Variants in RSU1 observed in about 807,000 individuals in gnomAD.
RSU1 encodes the protein rsu-1.
In RSU1, 26 loss-of-function variants were observed where a neutral mutation model predicts 31.1. That is an observed-to-expected ratio of 0.84 (90% confidence interval 0.61 to 1.16). RSU1 has a LOEUF of 1.16. Among genes scored for constraint, RSU1 ranks in the 50% most tolerant of loss-of-function variants. The probability of loss-of-function intolerance (pLI) is 0.00; values close to 1 mark genes in which losing one functional copy is unlikely to be tolerated. For missense variants in RSU1, 320 were observed against 339.1 expected (o/e 0.94, Z 0.44); for synonymous variants, 164 against 136.3 (o/e 1.20, Z -1.41).
chr10:16,680,658 G>A (rs1835313898), intron 8 of RSU1, among the ~76,000 whole-genome samples: 1 of 152,106 alleles, frequency 6.6e-6, no homozygotes, highest in African/African-American at 2.4e-5. Context: ...TAAACAACCA[G>A]ATCTTGTGTG....
chr10:16,775,165 G>A (rs944104821), intron 3 of RSU1, among the ~76,000 whole-genome samples: 3 of 152,210 alleles, frequency 2.0e-5, no homozygotes, highest in Non-Finnish European at 2.9e-5. Flanking sequence ...CACACATCAA[G>A]TGATATAGGA....
chr10:16,710,404 G>C (rs1835992432), intron 7 of RSU1, among the ~76,000 whole-genome samples: 1 of 152,128 alleles, frequency 6.6e-6, no homozygotes. Context: ...GATTCAGTTT[G>C]TTAATATCTT....
At chr10:16,738,027 T>C (rs1025964730) in intron 7 of RSU1, among the ~76,000 whole-genome samples, 3 of 152,232 alleles carry the variant, frequency 2.0e-5, no homozygotes, top group Non-Finnish European at 4.4e-5. Context: ...AAATTCTCAA[T>C]TTCTAAATAA....
intron 4 of RSU1, among the ~76,000 whole-genome samples, chr10:16,757,095 G>C (rs963249047): frequency 6.7e-6 from 1 of 150,148 alleles, no homozygotes; most frequent in Non-Finnish European, 1.5e-5. Context: ...GGTGTGGTGC[G>C]TGTGGGTATG....
intron 8 of RSU1, among the ~76,000 whole-genome samples, chr10:16,661,179 CTG>C (rs1020655311): frequency 5.9e-5 from 9 of 151,838 alleles, no homozygotes; most frequent in African/African-American, 7.3e-5. Context: ...GGATGTAGAT[CTG>C]TGTTTCTTGT....
intron 8 of RSU1, among the ~76,000 whole-genome samples, chr10:16,642,103 C>A (rs991573755): frequency 2.6e-5 from 4 of 152,130 alleles, no homozygotes; most frequent in African/African-American, 7.2e-5. Context: ...TGATAACAGG[C>A]AGCAGTCTGA....
chr10:16,598,271 G>A (rs1361565291), intron 8 of RSU1, among the ~76,000 whole-genome samples: 1 of 152,154 alleles, frequency 6.6e-6, no homozygotes, highest in African/African-American at 2.4e-5. Context: ...AGCTGCAGGG[G>A]TACACATCTG....
rs565977937 is a variant in RSU1 at position 16,611,486 on chromosome 10, G to A, written c.732-17990C>T. Reference sequence around the variant, plus strand: ...TAAAGAAAAGGTGAGATCCGAAGACGCTACTACTGAGTTCCCATAGATGTC... The same window carrying A: ...TAAAGAAAAGGTGAGATCCGAAGACACTACTACTGAGTTCCCATAGATGTC... On this transcript the variant is annotated intron_variant, in intron 8 of 8. Transcript: ENST00000345264. Among the ~76,000 whole-genome samples, 16 of 152,296 alleles carry A rather than the reference G, an allele frequency of 1.1e-4. No individual in the cohort carries two copies. In the South Asian group the frequency reaches 3.3e-3, roughly 32 times the overall value.
At chr10:16,803,291 T>C (rs1206881789) in intron 2 of RSU1, among the ~76,000 whole-genome samples, 4 of 152,114 alleles carry the variant, frequency 2.6e-5, no homozygotes, top group Non-Finnish European at 5.9e-5. Context: ...TTTAGATATA[T>C]AGCTAACAAA....
intron 8 of RSU1, among the ~76,000 whole-genome samples, chr10:16,685,805 T>C (rs1350192527): frequency 2.0e-5 from 3 of 152,188 alleles, no homozygotes; most frequent in Non-Finnish European, 4.4e-5. Context: ...TCAGTTACCA[T>C]TGAAGATGGA....
At chr10:16,597,487 G>A (rs1453154952) in intron 8 of RSU1, among the ~76,000 whole-genome samples, 6 of 152,108 alleles carry the variant, frequency 3.9e-5, no homozygotes, top group Non-Finnish European at 8.8e-5. Context: ...CTGGGCAAAT[G>A]ATCAGCAATG....
intron 2 of RSU1, among the ~76,000 whole-genome samples, chr10:16,805,666 CAAA>C (rs35267148): frequency 2.1e-3 from 163 of 78,738 alleles, no homozygotes; most frequent in Admixed American, 5.1e-3. Context: ...GACTCCGTCT[CAAA>C]AAAAAAAAAA....
At chr10:16,717,744 A>C (rs182186908) in intron 7 of RSU1, among the ~76,000 whole-genome samples, 20 of 152,338 alleles carry the variant, frequency 1.3e-4, no homozygotes, top group African/African-American at 4.8e-4. Context: ...AGGACTCAAG[A>C]AAAATGAAAG....
chr10:16,625,405 A>G (rs913240291), intron 8 of RSU1, among the ~76,000 whole-genome samples: 6 of 152,232 alleles, frequency 3.9e-5, no homozygotes, highest in African/African-American at 1.4e-4. Flanking sequence ...AAAGATCTCA[A>G]CAGAAAAATC....
intron 8 of RSU1, among the ~76,000 whole-genome samples, chr10:16,673,158 C>T (rs755045218): frequency 1.3e-5 from 2 of 152,228 alleles, no homozygotes; most frequent in African/African-American, 4.8e-5. Flanking sequence ...CATTGAAATG[C>T]TTCTTCAGGG....
chr10:16,702,505 T>G (rs1198704998), intron 7 of RSU1, among the ~76,000 whole-genome samples: 4 of 152,106 alleles, frequency 2.6e-5, no homozygotes, highest in Admixed American at 2.6e-4. Context: ...TGAATTAGAG[T>G]GCCCTAAATG....
Position 16,684,014 on chromosome 10 carries a change from G to A in RSU1, c.731+11009C>T, listed in dbSNP as rs546172095. On this transcript the variant is annotated intron_variant, in intron 8 of 8. Transcript: ENST00000345264. ...TTGTGGAGACCAAGATTCTTGAAGT[G>A]TCATACTGGCTGTCCTTAGAGACAA... Among the ~76,000 whole-genome samples the A allele has an allele frequency of 5.9e-5, 9 of 152,302 alleles. No homozygotes were observed. The South Asian group carries it at 1.9e-3, about 32-fold the overall frequency.
chr10:16,674,638 T>TG (rs2131541872), intron 8 of RSU1, among the ~76,000 whole-genome samples: 1 of 152,082 alleles, frequency 6.6e-6, no homozygotes, highest in East Asian at 1.9e-4. Context: ...TGGTGGGCGA[T>TG]GGGGTCCACT....
At chr10:16,652,236 A>C (rs889667957) in intron 8 of RSU1, among the ~76,000 whole-genome samples, 11 of 152,102 alleles carry the variant, frequency 7.2e-5, no homozygotes, top group Admixed American at 2.0e-4. Context: ...AAACAAAACA[A>C]AACGAAAAAC....
Sources: gnomAD v4.1 joint callset for allele counts (sites outside exome capture counted in the v4.1 genomes callset) on GRCh38, gnomAD v4.1.1 for gene constraint, MANE v1.5 for transcripts, NCBI Gene and HGNC (gene_info 2026-07-23, HGNC 2026-07-21) for gene names.